The following PCDHA9 variants were observed in gnomAD, a reference collection of about 807,000 sequenced individuals.
PCDHA9 encodes protocadherin alpha 9, also known as protocadherin alpha-9.
A neutral mutation model predicts 62.0 loss-of-function variants in PCDHA9; 62 were observed. The ratio of observed to expected loss-of-function variants is 1.00; its 90% CI spans 0.81 to 1.23. The LOEUF (loss-of-function observed/expected upper bound fraction) is 1.23, where lower values mean the gene tolerates loss of function less well. Among genes scored for constraint, PCDHA9 ranks in the 50% most tolerant of loss-of-function variants. The probability of loss-of-function intolerance (pLI) is 0.00; values close to 1 mark genes in which losing one functional copy is unlikely to be tolerated. For missense variants in PCDHA9, 1,205 were observed against 1,249.8 expected (o/e 0.96, Z 0.54); for synonymous variants, 557 against 567.6 (o/e 0.98, Z 0.27).
At chr5:140,969,178 C>G (rs2096303822) in intron 1 of PCDHA9, 1 of 1,613,978 alleles carries the variant, frequency 6.2e-7, no homozygotes, top group South Asian at 1.1e-5. Flanking sequence ...CAGGGAGTGA[C>G]ACTTTCATGT....
At chr5:140,895,532 A>G (rs546443647) in intron 1 of PCDHA9, among the ~76,000 whole-genome samples, 1 of 152,172 alleles carries the variant, frequency 6.6e-6, no homozygotes, top group East Asian at 1.9e-4. Flanking sequence ...TCGTTTTTCA[A>G]TTGTTGAGTT....
intron 1 of PCDHA9, among the ~76,000 whole-genome samples, chr5:140,917,333 G>GC (rs1401985588): frequency 2.7e-5 from 4 of 148,632 alleles, no homozygotes; most frequent in African/African-American, 7.4e-5. Flanking sequence ...GCGGGGGAGG[G>GC]GGGGGATGGT....
At chr5:140,902,400 C>T (rs2069421777) in intron 1 of PCDHA9, among the ~76,000 whole-genome samples, 1 of 151,930 alleles carries the variant, frequency 6.6e-6, no homozygotes, top group South Asian at 2.1e-4. Flanking sequence ...ATGTTGAATA[C>T]TATGTTGAAT....
chr5:140,967,121 C>T, intron 1 of PCDHA9: 1 of 1,612,916 alleles, frequency 6.2e-7, no homozygotes, highest in East Asian at 2.2e-5. Flanking sequence ...TCGCTGCCTG[C>T]TCAGCTTGGA....
chr5:140,927,169 T>A, intron 1 of PCDHA9: 1 of 1,614,172 alleles, frequency 6.2e-7, no homozygotes, highest in Non-Finnish European at 8.5e-7. Context: ...CAAAGCTGCC[T>A]GCGTCTTGAC....
chr5:140,973,362 A>G (rs2096583702), intron 1 of PCDHA9, among the ~76,000 whole-genome samples: 1 of 152,256 alleles, frequency 6.6e-6, no homozygotes, highest in Non-Finnish European at 1.5e-5. Flanking sequence ...ATTTATAAAA[A>G]TTGCACAATG....
rs148283153 is a variant in PCDHA9, at chr5:140,857,227, G to A, written c.2394+6338G>A. 3.8e-6 allele frequency: 6 copies of A among 1,598,330 alleles called. No individual in the cohort carries two copies. The African/African-American group carries it at 4.0e-5, about 11-fold the overall frequency. ...CCTGCTCTCTGACGCCTCACGTTCCGTTCAAGCTGGTGTCCACCTACAAGA... is the reference window on the plus strand; with the variant it reads ...CCTGCTCTCTGACGCCTCACGTTCCATTCAAGCTGGTGTCCACCTACAAGA... On this transcript the variant is annotated intron_variant, in intron 1 of 3. Coordinates refer to ENST00000532602, the MANE Select transcript of PCDHA9 (RefSeq NM_031857.2).
At chr5:140,934,129 T>G (rs150501213) in intron 1 of PCDHA9, among the ~76,000 whole-genome samples, 326 of 152,294 alleles carry the variant, frequency 2.1e-3, no homozygotes, top group African/African-American at 7.4e-3. Context: ...CTTTATTAAT[T>G]TATTTCCTTC....
rs550922282 is a variant in PCDHA9, at chr5:140,927,864, T to C, written c.2395-51085T>C. On this transcript the variant is annotated intron_variant, in intron 1 of 3. Transcript: ENST00000532602. The stretch of plus-strand genomic sequence containing the variant: ...GTGTCTTTGGTTTAGCTAGCACCGC[T>C]AAACTGCTGGTGGAGGTGACTGACG... The C allele has an allele frequency of 6.8e-6, 11 of 1,614,200 alleles. No homozygotes were observed. In the South Asian group the frequency reaches 1.2e-4, roughly 18 times the overall value.
chr5:140,860,895 G>A (rs185431284), intron 1 of PCDHA9: 2,100 of 152,348 alleles, frequency 0.014, 26 homozygotes, highest in Non-Finnish European at 0.02. Flanking sequence ...CCGCCAACAC[G>A]CCAGGCTAAT....
intron 1 of PCDHA9, chr5:140,968,943 T>G (rs1429261485): frequency 1.2e-6 from 2 of 1,614,128 alleles, no homozygotes; most frequent in Non-Finnish European, 1.7e-6. Context: ...ATCATCATTT[T>G]GAGCATCATC....
chr5:140,870,689 T>G (rs1349209235), intron 1 of PCDHA9: 1 of 1,612,838 alleles, frequency 6.2e-7, no homozygotes. Context: ...GAGCTGGAGC[T>G]GCTACAGTTC....
At chr5:140,877,225 G>A in intron 1 of PCDHA9, 1 of 1,613,746 alleles carries the variant, frequency 6.2e-7, no homozygotes. Context: ...ACCGCGGTCG[G>A]TGGGTGCGGG....
Position 140,848,884 on chromosome 5 carries a change from C to T in PCDHA9, c.389C>T (p.Pro130Leu). ...GAGGTGAAGGACATTAACGACAACC[C>T]TCCAGTGTTCCCAGCGACACAAAAG... The part of the protein sequence containing the change: ...DVEVKDINDN[P>L]PVFPATQKNL... The change falls in exon 1 of 4, where the codon CCT becomes CTT. Residue 130 changes from proline (P) to leucine (L), a missense_variant. Around this residue, in one of 3 missense-constraint regions of PCDHA9, gnomAD observed 208 missense variants for 213.2 expected, o/e 0.98. Transcript: ENST00000532602. 2 of 1,591,388 alleles carry T rather than the reference C, an allele frequency of 1.3e-6. No individual in the cohort carries two copies. The highest frequency in any genetic ancestry group is 1.1e-5 in the South Asian group (1 of 90,238).
Position 140,919,359 on chromosome 5 carries a change from G to A in PCDHA9, c.2395-59590G>A, listed in dbSNP as rs188480486. Among the ~76,000 whole-genome samples, 421 of 152,262 alleles carry A rather than the reference G, an allele frequency of 2.8e-3. 2 individuals carry two copies. The highest frequency in any genetic ancestry group is 0.014 in the Middle Eastern group (4 of 294). ...TGTTTGTATCTTTGAATCTAAAAGTGTCTCCTGCAGACAACACATAGTTGG... is the reference window on the plus strand; with the variant it reads ...TGTTTGTATCTTTGAATCTAAAAGTATCTCCTGCAGACAACACATAGTTGG... On this transcript the variant is annotated intron_variant, in intron 1 of 3. Coordinates refer to ENST00000532602, the MANE Select transcript of PCDHA9 (RefSeq NM_031857.2).
intron 1 of PCDHA9, chr5:140,966,833 C>G: frequency 2.6e-6 from 4 of 1,563,480 alleles, no homozygotes; most frequent in Non-Finnish European, 3.5e-6. Flanking sequence ...CATGCCCTGG[C>G]TGCTGCTACT....
At chr5:140,861,714 C>T (rs1270815582) in intron 1 of PCDHA9, 2 of 216,396 alleles carry the variant, frequency 9.2e-6, no homozygotes, top group Non-Finnish European at 1.9e-5. Flanking sequence ...GACGTCGGGG[C>T]CAATGCTCTG....
chr5:140,967,682 C>G, intron 1 of PCDHA9: 2 of 1,614,176 alleles, frequency 1.2e-6, no homozygotes, highest in South Asian at 2.2e-5. Context: ...CCGGGAGAGG[C>G]AGCTCTTCAG....
chr5:140,882,213 T>C, intron 1 of PCDHA9: 2 of 1,538,576 alleles, frequency 1.3e-6, no homozygotes, highest in Non-Finnish European at 1.8e-6. Flanking sequence ...TGAGAGACAG[T>C]TTGAGGTAAG....
Sources: gnomAD v4.1 joint callset for allele counts (sites outside exome capture counted in the v4.1 genomes callset) on GRCh38, gnomAD v4.1.1 for gene constraint, gnomAD v4.1.1 regional missense constraint, MANE v1.5 for transcripts, NCBI Gene and HGNC (gene_info 2026-07-23, HGNC 2026-07-21) for gene names.